Variants in RALGPS1 observed in about 807,000 individuals in gnomAD.
RALGPS1 encodes the protein Ral GEF with PH domain and SH3 binding motif 1.
A neutral mutation model predicts 78.8 loss-of-function variants in RALGPS1; 19 were observed. That is an observed-to-expected ratio of 0.24 (90% CI 0.17 to 0.35). The LOEUF is 0.35. RALGPS1 is among the 10% of genes least tolerant of loss of function. The pLI, the probability that RALGPS1 is intolerant of heterozygous loss-of-function variation, is 1.00. For synonymous variants in RALGPS1, 228 were observed against 256.3 expected, an observed-to-expected ratio of 0.89 and a Z score of 1.06; for missense variants, 454 against 688.3, an observed-to-expected ratio of 0.66 and a Z score of 3.81.
chr9:126,999,127 C>T (rs189819721), intron 4 of RALGPS1, among the ~76,000 whole-genome samples: 162 of 151,662 alleles, frequency 1.1e-3, no homozygotes, highest in African/African-American at 3.9e-3. Flanking sequence ...TGTAACAAAC[C>T]TGCACGTTGT....
chr9:127,112,440 G>A (rs1203074958), intron 8 of RALGPS1, among the ~76,000 whole-genome samples: 2 of 152,228 alleles, frequency 1.3e-5, no homozygotes, highest in Admixed American at 6.5e-5. Flanking sequence ...CCATGTGGGC[G>A]CAGGGCTCCA....
intron 7 of RALGPS1, 90 bp from the exon 8 acceptor site, chr9:127,069,140 A>T: frequency 4.7e-6 from 6 of 1,288,000 alleles, no homozygotes; most frequent in Non-Finnish European, 4.3e-6. Flanking sequence ...TATGTCACTT[A>T]GGATTTTCCC....
chr9:127,138,529 A>G (rs1417996485), intron 8 of RALGPS1, among the ~76,000 whole-genome samples: 1 of 152,200 alleles, frequency 6.6e-6, no homozygotes, highest in Non-Finnish European at 1.5e-5. Flanking sequence ...ACACTACTCC[A>G]GGGAATAGGT....
intron 6 of RALGPS1, 51 bp downstream of exon 6, chr9:127,050,183 C>A: frequency 7.2e-7 from 1 of 1,383,912 alleles, no homozygotes; most frequent in Non-Finnish European, 1.0e-6. Context: ...TCTCCCACAC[C>A]TCCTCCCCAA....
Position 127,199,056 on chromosome 9 carries a change from G to T in RALGPS1, c.1237G>T (p.Gly413Trp). 1 of 1,614,036 alleles carries T rather than the reference G, an allele frequency of 6.2e-7. No homozygotes were observed. Among genetic ancestry groups the T allele is most frequent in the Non-Finnish European group, 8.5e-7 (1 of 1,179,878 alleles). The change falls in exon 14 of 19, where the codon GGG (glycine) becomes TGG (tryptophan). Residue 413 changes from glycine to tryptophan, a missense_variant. Coordinates refer to ENST00000259351, the MANE Select transcript of RALGPS1 (RefSeq NM_014636.3). ...AGAGTTTAGTGAAGAGATGTCTTCAGGGCTGGAAAGGTGAGTGTGGCCTCA... is the reference window on the plus strand; with the variant it reads ...AGAGTTTAGTGAAGAGATGTCTTCATGGCTGGAAAGGTGAGTGTGGCCTCA... ...SSEFSEEMSS[G>W]LESPTGPCIC...
At chr9:127,177,859 A>G (rs1164075876) in intron 11 of RALGPS1, 10 of 1,547,700 alleles carry the variant, frequency 6.5e-6, no homozygotes, top group Middle Eastern at 1.7e-4. Flanking sequence ...CTTTCCCACA[A>G]TCCACCCACA....
intron 8 of RALGPS1, among the ~76,000 whole-genome samples, chr9:127,150,891 A>C (rs1023258802): frequency 2.0e-5 from 3 of 151,792 alleles, no homozygotes; most frequent in Non-Finnish European, 4.4e-5. Flanking sequence ...ATCCATTAAG[A>C]GTGAATTCAG....
intron 1 of RALGPS1, among the ~76,000 whole-genome samples, chr9:126,935,719 T>G (rs2131283871): frequency 6.6e-6 from 1 of 152,350 alleles, no homozygotes; most frequent in East Asian, 1.9e-4. Context: ...CAACCAGTCT[T>G]GGTTTTCTCA....
chr9:127,012,863 C>T (rs1275772459), intron 4 of RALGPS1, among the ~76,000 whole-genome samples: 3 of 152,180 alleles, frequency 2.0e-5, no homozygotes, highest in African/African-American at 7.2e-5. Context: ...TGACCAGGCA[C>T]ATACCATGTG....
chr9:127,126,147 C>T (rs1200426918), intron 8 of RALGPS1, among the ~76,000 whole-genome samples: 1 of 152,068 alleles, frequency 6.6e-6, no homozygotes, highest in South Asian at 2.1e-4. Flanking sequence ...CCCACCCCAC[C>T]CCTACCCCCA....
chr9:126,915,084 T>C (rs1413287084), intron 1 of RALGPS1, 109 bp downstream of exon 1: 1 of 119,690 alleles, frequency 8.4e-6, no homozygotes, highest in African/African-American at 3.2e-5. Flanking sequence ...GAGCTGCAGG[T>C]GTGGGGGGCG....
At chr9:127,143,240 A>C (rs1008224757) in intron 8 of RALGPS1, among the ~76,000 whole-genome samples, 3 of 152,206 alleles carry the variant, frequency 2.0e-5, no homozygotes, top group Non-Finnish European at 4.4e-5. Context: ...CTGCTGAGTC[A>C]AAGGATACCA....
chr9:127,011,311 G>C (rs980743963), intron 4 of RALGPS1, among the ~76,000 whole-genome samples: 2 of 152,090 alleles, frequency 1.3e-5, no homozygotes, highest in Admixed American at 6.5e-5. Flanking sequence ...CCGAGTAGCT[G>C]GGATTACAGG....
chr9:126,999,043 G>A (rs1193624895), intron 4 of RALGPS1, among the ~76,000 whole-genome samples: 1 of 143,140 alleles, frequency 7.0e-6, no homozygotes, highest in Non-Finnish European at 1.5e-5. Context: ...GGGAGGGATA[G>A]CATTAGGAGA....
intron 4 of RALGPS1, among the ~76,000 whole-genome samples, chr9:126,978,837 T>C (rs2040940534): frequency 6.6e-6 from 1 of 152,062 alleles, no homozygotes; most frequent in Non-Finnish European, 1.5e-5. Context: ...TAAGTCACCG[T>C]CCCAGACTGG....
At chr9:127,009,439 A>C (rs1210706627) in intron 4 of RALGPS1, among the ~76,000 whole-genome samples, 1 of 152,196 alleles carries the variant, frequency 6.6e-6, no homozygotes, top group Non-Finnish European at 1.5e-5. Context: ...AGCACCCTCC[A>C]CCTAACAGGG....
intron 4 of RALGPS1, among the ~76,000 whole-genome samples, chr9:127,001,127 A>G (rs1369444879): frequency 3.3e-5 from 5 of 151,254 alleles, no homozygotes; most frequent in Non-Finnish European, 5.9e-5. Flanking sequence ...ACAAAACAAA[A>G]CAAAACAAAA....
chr9:127,013,961 A>G (rs1403397460), intron 4 of RALGPS1, among the ~76,000 whole-genome samples: 1 of 152,164 alleles, frequency 6.6e-6, no homozygotes, highest in Non-Finnish European at 1.5e-5. Context: ...GTTCAGCAAC[A>G]TGTTCATAAT....
intron 4 of RALGPS1, among the ~76,000 whole-genome samples, chr9:126,983,633 A>G (rs945737407): frequency 2.0e-5 from 3 of 152,182 alleles, no homozygotes; most frequent in Admixed American, 1.3e-4. Flanking sequence ...GGGCCTGCAC[A>G]TTGCATTTGG....
Sources: allele counts gnomAD v4.1 joint callset (sites outside exome capture counted in the v4.1 genomes callset), GRCh38; gene constraint gnomAD v4.1.1; transcripts MANE v1.5; gene names NCBI Gene and HGNC (gene_info 2026-07-23, HGNC 2026-07-21).